The following ZPLD1 variants were observed in gnomAD, a reference collection of about 807,000 sequenced individuals.
ZPLD1 encodes zona pellucida like domain containing 1, also known as zona pellucida-like domain-containing protein 1.
Under a neutral mutation model 47.2 loss-of-function variants are expected in ZPLD1, and 34 were observed. The observed-to-expected ratio is 0.72, with a 90% confidence interval of 0.55 to 0.96. ZPLD1 has a LOEUF of 0.96. Ranked by LOEUF, ZPLD1 falls within the 40% of genes least tolerant of loss-of-function variation. The probability of loss-of-function intolerance (pLI) is 0.00; values close to 1 mark genes in which losing one functional copy is unlikely to be tolerated. For missense variants in ZPLD1, 512 were observed against 505.8 expected, an observed-to-expected ratio of 1.01 and a Z score of -0.12; for synonymous variants, 176 against 186.2, an observed-to-expected ratio of 0.95 and a Z score of 0.45.
At chr3:102,455,210 A>G (rs1016525401) in intron 4 of ZPLD1, among the ~76,000 whole-genome samples, 1 of 152,236 alleles carries the variant, frequency 6.6e-6, no homozygotes, top group Non-Finnish European at 1.5e-5. Context: ...GGTCTTAGTA[A>G]TATAGTAGTA....
intron 7 of ZPLD1, among the ~76,000 whole-genome samples, chr3:102,401,680 G>A (rs759080252): frequency 6.6e-6 from 1 of 152,004 alleles, no homozygotes; most frequent in Admixed American, 6.6e-5. Flanking sequence ...ACTAGTTTTG[G>A]CTTTTGATGT....
chr3:102,462,055 A>T (rs1707514042), intron 6 of ZPLD1, among the ~76,000 whole-genome samples: 1 of 152,128 alleles, frequency 6.6e-6, no homozygotes, highest in Non-Finnish European at 1.5e-5. Context: ...TATATGGTAA[A>T]CTATGGAAAC....
Position 102,454,068 on chromosome 3 carries a change from T to TTCACAAATTATTATTTTG in ZPLD1, c.327+931_327+948dup, listed in dbSNP as rs1707376898. Among the ~76,000 whole-genome samples the TTCACAAATTATTATTTTG allele has an allele frequency of 2.0e-5, 3 of 152,230 alleles. No homozygotes were observed. The South Asian group carries it at 6.2e-4, about 32-fold the overall frequency. Reference sequence around the variant, plus strand: ...GGGAAGGAGATATTGACTTTTACTCTTCACAAATTATTATTTTGTATTAAG... The same window carrying TTCACAAATTATTATTTTG: ...GGGAAGGAGATATTGACTTTTACTCTTCACAAATTATTATTTTGTCACAAATTATTATTTTGTATTAAG... On this transcript the variant is annotated intron_variant, in intron 4 of 11. Coordinates refer to ENST00000466937, the MANE Select transcript of ZPLD1 (RefSeq NM_001329788.2).
At chr3:102,458,394 C>T (rs910572507) in intron 6 of ZPLD1, among the ~76,000 whole-genome samples, 3 of 152,048 alleles carry the variant, frequency 2.0e-5, no homozygotes, top group African/African-American at 4.8e-5. Flanking sequence ...GGCAGCAAAA[C>T]GTGAAAAATA....
chr3:102,397,087 T>C (rs951953090), intron 7 of ZPLD1, among the ~76,000 whole-genome samples: 2 of 152,130 alleles, frequency 1.3e-5, no homozygotes, highest in Admixed American at 1.3e-4. Flanking sequence ...GGACTGATGC[T>C]TATGTTAGTT....
chr3:102,474,828 C>T (rs1435962459), intron 10 of ZPLD1, among the ~76,000 whole-genome samples: 1 of 151,992 alleles, frequency 6.6e-6, no homozygotes, highest in Non-Finnish European at 1.5e-5. Flanking sequence ...TTTGGTATTC[C>T]AATCAGTTCT....
chr3:102,448,142 C>A (rs943744528), intron 3 of ZPLD1, among the ~76,000 whole-genome samples: 1 of 152,114 alleles, frequency 6.6e-6, no homozygotes, highest in Non-Finnish European at 1.5e-5. Context: ...TTGTTAATTT[C>A]TATGAAAAGC....
intron 7 of ZPLD1, among the ~76,000 whole-genome samples, chr3:102,413,731 G>C (rs1446740194): frequency 6.6e-6 from 1 of 151,640 alleles, no homozygotes; most frequent in South Asian, 2.1e-4. Flanking sequence ...CCCATAGTAA[G>C]AACATATTAT....
Position 102,438,544 on chromosome 3 carries a change from T to C in ZPLD1, c.57T>C (p.Ala19=), listed in dbSNP as rs1283048088. ...CAATTAGAGTGCTTCCGGGGTCTGCTCAGTTCAACGGCTACAACTGTGATG... is the reference window on the plus strand; with the variant it reads ...CAATTAGAGTGCTTCCGGGGTCTGCCCAGTTCAACGGCTACAACTGTGATG... ...LLTIRVLPGS[A]QFNGYNCDAN... is the part of the protein sequence containing the mutation. The change falls in exon 3 of 12, where the codon GCT becomes GCC. Residue 19 remains alanine (A), a synonymous_variant. Coordinates refer to ENST00000466937, the MANE Select transcript of ZPLD1 (RefSeq NM_001329788.2). 2 of 1,614,004 alleles carry C rather than the reference T, an allele frequency of 1.2e-6. No homozygotes were observed. The highest frequency in any genetic ancestry group is 2.2e-5 in the East Asian group (1 of 44,886).
At chr3:102,413,501 G>T (rs1259930659) in intron 7 of ZPLD1, among the ~76,000 whole-genome samples, 1 of 151,652 alleles carries the variant, frequency 6.6e-6, no homozygotes, top group African/African-American at 2.4e-5. Context: ...ATGGACAATG[G>T]TTTTATAAAA....
At chr3:102,435,258 G>A (rs2107317758) in intron 1 of ZPLD1, 104 bp downstream of exon 1, 2 of 1,264,484 alleles carry the variant, frequency 1.6e-6, no homozygotes, top group East Asian at 2.4e-5. Context: ...GCCCTGCCAA[G>A]ACTATAGAGA....
chr3:102,403,601 T>C (rs149568745), intron 7 of ZPLD1, among the ~76,000 whole-genome samples: 2 of 152,116 alleles, frequency 1.3e-5, no homozygotes, highest in East Asian at 3.9e-4. Context: ...CAGTAACCCA[T>C]TTTTGGGCTT....
intron 5 of ZPLD1, among the ~76,000 whole-genome samples, chr3:102,457,081 C>T (rs933914194): frequency 5.0e-4 from 76 of 152,302 alleles, no homozygotes; most frequent in African/African-American, 1.8e-3. Context: ...TAAGCGAACG[C>T]TTTCTCCAAT....
intron 8 of ZPLD1, among the ~76,000 whole-genome samples, chr3:102,420,403 T>C (rs1389752311): frequency 6.6e-6 from 1 of 151,958 alleles, no homozygotes; most frequent in African/African-American, 2.4e-5. Context: ...GTGAGCAAAC[T>C]TTTCCGTAAA....
At chr3:102,386,788 A>G (rs914300943) in intron 6 of ZPLD1, among the ~76,000 whole-genome samples, 1 of 152,182 alleles carries the variant, frequency 6.6e-6, no homozygotes, top group African/African-American at 2.4e-5. Context: ...ATTTTTAGTT[A>G]TTAAAGAAAT....
At chr3:102,466,357 CTCTT>C (rs879493754) in intron 8 of ZPLD1, among the ~76,000 whole-genome samples, 5 of 152,198 alleles carry the variant, frequency 3.3e-5, no homozygotes, top group Non-Finnish European at 7.3e-5. Flanking sequence ...GGAAATCCAA[CTCTT>C]TCAAACTTGA....
chr3:102,412,331 G>A (rs893486162), intron 7 of ZPLD1, among the ~76,000 whole-genome samples: 4 of 151,652 alleles, frequency 2.6e-5, no homozygotes, highest in Non-Finnish European at 5.9e-5. Context: ...ATAGGATCTG[G>A]AATACTTAAG....
At chr3:102,400,765 G>A (rs1490769926) in intron 7 of ZPLD1, among the ~76,000 whole-genome samples, 1 of 151,910 alleles carries the variant, frequency 6.6e-6, no homozygotes, top group African/African-American at 2.4e-5. Flanking sequence ...CACACCTGAT[G>A]CAGCAACCCA....
intron 7 of ZPLD1, among the ~76,000 whole-genome samples, chr3:102,392,511 T>TTC (rs1706507387): frequency 6.6e-6 from 1 of 150,636 alleles, no homozygotes; most frequent in Non-Finnish European, 1.5e-5. Flanking sequence ...TTCCTTTCTT[T>TTC]CTTCCTTCCT....
Sources: gnomAD v4.1 joint callset for allele counts (sites outside exome capture counted in the v4.1 genomes callset) on GRCh38, gnomAD v4.1.1 for gene constraint, MANE v1.5 for transcripts, NCBI Gene and HGNC (gene_info 2026-07-23, HGNC 2026-07-21) for gene names.